Variants in CLMP observed in about 807,000 individuals in gnomAD.
The protein encoded by CLMP is CXADR like cell adhesion molecule.
A neutral mutation model predicts 45.2 loss-of-function variants in CLMP; 27 were observed. The ratio of observed to expected loss-of-function variants is 0.60; its 90% CI spans 0.44 to 0.82. The LOEUF is 0.82. Among genes scored for constraint, CLMP ranks in the 40% least tolerant of loss-of-function variants. The pLI, the probability that CLMP is intolerant of heterozygous loss-of-function variation, is 0.00. For missense variants in CLMP, 403 were observed against 448.4 expected (o/e 0.90, Z 0.91); for synonymous variants, 167 against 171.4 (o/e 0.97, Z 0.20).
intron 1 of CLMP, among the ~76,000 whole-genome samples, chr11:123,162,668 G>A (rs1418543198): frequency 6.6e-6 from 1 of 151,980 alleles, no homozygotes; most frequent in Non-Finnish European, 1.5e-5. Context: ...GGTCAAGGTG[G>A]GCGGATCGCT....
chr11:123,128,740 T>C (rs1028923274), intron 1 of CLMP, among the ~76,000 whole-genome samples: 1 of 152,172 alleles, frequency 6.6e-6, no homozygotes, highest in Non-Finnish European at 1.5e-5. Context: ...AACAACTAAT[T>C]TGACCTTTTT....
chr11:123,123,394 G>A (rs1394263861), intron 1 of CLMP, among the ~76,000 whole-genome samples: 2 of 151,580 alleles, frequency 1.3e-5, no homozygotes, highest in African/African-American at 4.9e-5. Flanking sequence ...CAAGTAGCTG[G>A]GATTACAGGC....
chr11:123,101,990 G>T (rs1315525014), intron 1 of CLMP, among the ~76,000 whole-genome samples: 1 of 152,090 alleles, frequency 6.6e-6, no homozygotes, highest in Admixed American at 6.6e-5. Flanking sequence ...TTTGAGACCA[G>T]CCTGGGCAAC....
At chr11:123,170,142 T>C (rs1861610301) in intron 1 of CLMP, among the ~76,000 whole-genome samples, 1 of 152,218 alleles carries the variant, frequency 6.6e-6, no homozygotes, top group Non-Finnish European at 1.5e-5. Flanking sequence ...CCCCAAGAGA[T>C]GACTTTGTAG....
rs150788139 is a variant in CLMP at position 123,123,606 on chromosome 11, C to T, written c.29-25654G>A. 4.5e-3 allele frequency among the ~76,000 whole-genome samples: 691 copies of T among 152,106 alleles called. 4 individuals carry two copies. Among genetic ancestry groups the T allele is most frequent in the African/African-American group, 0.016 (663 of 41,500 alleles). On this transcript the variant is annotated intron_variant, in intron 1 of 6. Transcript: ENST00000448775. ...TGGTGGCGAGTCCCATGAGGAAGTG[C>T]GGCGTACACACAGGCAGATTTCCTT...
intron 1 of CLMP, among the ~76,000 whole-genome samples, chr11:123,171,591 C>T (rs576087038): frequency 8.6e-5 from 13 of 151,898 alleles, no homozygotes; most frequent in African/African-American, 1.2e-4. Context: ...TTAACAGGTG[C>T]GTGCCAACAC....
At chr11:123,153,556 A>G (rs1861370366) in intron 1 of CLMP, among the ~76,000 whole-genome samples, 1 of 152,194 alleles carries the variant, frequency 6.6e-6, no homozygotes, top group Admixed American at 6.5e-5. Flanking sequence ...CCAAACACAC[A>G]CACATAAAGA....
chr11:123,088,316 C>G (rs1472286828), intron 2 of CLMP, among the ~76,000 whole-genome samples: 3 of 152,176 alleles, frequency 2.0e-5, no homozygotes, highest in African/African-American at 7.2e-5. Flanking sequence ...AAACTGGAAG[C>G]TGTAGAGTTT....
chr11:123,119,060 T>C (rs1487804730), intron 1 of CLMP, among the ~76,000 whole-genome samples: 4 of 55,182 alleles, frequency 7.2e-5, no homozygotes, highest in Admixed American at 2.2e-4. Flanking sequence ...TCCCTCTCTC[T>C]CTCTCTCTCT....
At chr11:123,082,999 C>T (rs189163126) in intron 5 of CLMP, 86 bp downstream of exon 5, 1 of 1,517,422 alleles carries the variant, frequency 6.6e-7, no homozygotes, top group South Asian at 1.2e-5. Flanking sequence ...TAACCTTACT[C>T]TTACTTATGA....
chr11:123,132,917 A>T (rs1861012471), intron 1 of CLMP, among the ~76,000 whole-genome samples: 1 of 151,320 alleles, frequency 6.6e-6, no homozygotes, highest in African/African-American at 2.4e-5. Flanking sequence ...GTAGGCGTGC[A>T]CCACCATGCC....
chr11:123,188,953 C>G (rs1565407556), intron 1 of CLMP: 1 of 152,184 alleles, frequency 6.6e-6, no homozygotes, highest in Admixed American at 6.5e-5. Flanking sequence ...CATACCCAAT[C>G]CATAAACCTC....
chr11:123,145,932 T>G (rs1198193626), intron 1 of CLMP, among the ~76,000 whole-genome samples: 2 of 152,192 alleles, frequency 1.3e-5, no homozygotes, highest in Non-Finnish European at 1.5e-5. Context: ...TAGCCCTCCC[T>G]GGAGGGGAAG....
chr11:123,138,271 G>T (rs1861105941), intron 1 of CLMP, among the ~76,000 whole-genome samples: 1 of 151,882 alleles, frequency 6.6e-6, no homozygotes, highest in African/African-American at 2.4e-5. Context: ...AAAACACATG[G>T]AAACACTGCA....
rs1217751402 is a variant in CLMP, at chr11:123,125,535, CCCCTT to C, written c.29-27588_29-27584del. 2.3e-3 allele frequency among the ~76,000 whole-genome samples: 158 copies of C among 68,100 alleles called. 3 individuals carry two copies. Among genetic ancestry groups the C allele is most frequent in the African/African-American group, 8.1e-3 (127 of 15,746 alleles). The allele number at this position is 68,100 out of a possible 152,430, so 44.7% of individuals were successfully genotyped here. A position where few individuals can be genotyped will look rare whatever the true frequency, so the allele number is the denominator to read the frequency against. ...TCCCTTCCCTTCCCTTCCCTTCCCT[CCCCTT>C]CCCTCCCCTCCCCTCCCTCCCTTCC... is the stretch of plus-strand genomic sequence containing the variant. On this transcript the variant is annotated intron_variant, in intron 1 of 6. Coordinates refer to ENST00000448775, the MANE Select transcript of CLMP (RefSeq NM_024769.5).
chr11:123,118,732 G>A (rs1313346776), intron 1 of CLMP, among the ~76,000 whole-genome samples: 1 of 152,056 alleles, frequency 6.6e-6, no homozygotes, highest in Non-Finnish European at 1.5e-5. Flanking sequence ...CAGCAAGGGA[G>A]GATTTGTAAT....
chr11:123,192,386 A>G (rs1861919676), intron 1 of CLMP, among the ~76,000 whole-genome samples: 1 of 152,218 alleles, frequency 6.6e-6, no homozygotes, highest in Admixed American at 6.5e-5. Context: ...AGGGAGTCAG[A>G]ATAAGAACCA....
intron 1 of CLMP, among the ~76,000 whole-genome samples, chr11:123,173,333 T>G (rs977697209): frequency 6.6e-6 from 1 of 152,220 alleles, no homozygotes; most frequent in Non-Finnish European, 1.5e-5. Context: ...TATCCTGTTA[T>G]TCCAAAAGTA....
intron 2 of CLMP, among the ~76,000 whole-genome samples, chr11:123,096,151 T>C (rs1865986184): frequency 1.3e-5 from 2 of 152,006 alleles, no homozygotes; most frequent in Non-Finnish European, 2.9e-5. Context: ...ACACCTGAGG[T>C]CAGGAGTTCG....
Sources: gnomAD v4.1 joint callset for allele counts (sites outside exome capture counted in the v4.1 genomes callset) on GRCh38, gnomAD v4.1.1 for gene constraint, MANE v1.5 for transcripts, NCBI Gene and HGNC (gene_info 2026-07-23, HGNC 2026-07-21) for gene names.